SLC9C2: variants seen among roughly 807,000 people sequenced by gnomAD.
SLC9C2 encodes the protein solute carrier family 9 member C2 (putative).
Under a neutral mutation model 140.2 loss-of-function variants are expected in SLC9C2, and 75 were observed. The ratio of observed to expected loss-of-function variants is 0.53; its 90% CI spans 0.44 to 0.65. SLC9C2 has a LOEUF of 0.65. Among genes scored for constraint, SLC9C2 ranks in the 30% least tolerant of loss-of-function variants. The pLI, the probability that SLC9C2 is intolerant of heterozygous loss-of-function variation, is 0.00. For missense variants in SLC9C2, 1,074 were observed against 1,331.8 expected (o/e 0.81, Z 3.01); for synonymous variants, 375 against 420.9 (o/e 0.89, Z 1.34).
chr1:173,538,985 T>A (rs532105424), intron 13 of SLC9C2, among the ~76,000 whole-genome samples: 2 of 152,280 alleles, frequency 1.3e-5, no homozygotes, highest in East Asian at 3.9e-4. Flanking sequence ...GGTAAGAAAA[T>A]GTTGCATTCT....
chr1:173,531,435 G>A (rs908552588), intron 17 of SLC9C2, among the ~76,000 whole-genome samples: 4 of 152,260 alleles, frequency 2.6e-5, no homozygotes, highest in South Asian at 2.1e-4. Flanking sequence ...GGCCCAGGAC[G>A]CATTGCCCTC....
At chr1:173,530,084 C>T in intron 17 of SLC9C2, 30 bp from the exon 18 acceptor site, 1 of 1,564,368 alleles carries the variant, frequency 6.4e-7, no homozygotes, top group Non-Finnish European at 8.6e-7. Flanking sequence ...AAAAAAAAAC[C>T]TGTACATTTG....
chr1:173,513,985 AC>A (rs1660233692), intron 23 of SLC9C2, among the ~76,000 whole-genome samples: 1 of 152,190 alleles, frequency 6.6e-6, no homozygotes. Context: ...GAGTTTCTCA[AC>A]CCTGAGTTCT....
intron 13 of SLC9C2, among the ~76,000 whole-genome samples, chr1:173,540,154 T>C (rs1662276242): frequency 6.6e-6 from 1 of 152,088 alleles, no homozygotes; most frequent in African/African-American, 2.4e-5. Context: ...TCCAGCCAAC[T>C]ATACAGAATA....
chr1:173,587,650 A>G lies in SLC9C2; in HGVS notation c.523+15T>C, dbSNP rs1315542787. On this transcript the variant is annotated intron_variant, in intron 5 of 27. Coordinates refer to ENST00000367714, the MANE Select transcript of SLC9C2 (RefSeq NM_178527.4). Reference sequence around the variant, plus strand: ...TATATTTTCAAGATAAGAGAGAGAAATAAATGTGACATACCAATAGTTTTT... The same window carrying G: ...TATATTTTCAAGATAAGAGAGAGAAGTAAATGTGACATACCAATAGTTTTT... 1 of 1,596,814 alleles carries G rather than the reference A, an allele frequency of 6.3e-7. No individual in the cohort carries two copies. The highest frequency in any genetic ancestry group is 1.7e-5 in the Admixed American group (1 of 57,472).
intron 9 of SLC9C2, among the ~76,000 whole-genome samples, chr1:173,567,631 T>C (rs1087500): frequency 0.012 from 1,838 of 152,254 alleles, 20 homozygotes; most frequent in Middle Eastern, 0.02. Flanking sequence ...TGTCTTTTGA[T>C]TGGAGAGTTT....
intron 5 of SLC9C2, among the ~76,000 whole-genome samples, chr1:173,585,911 T>C (rs998609421): frequency 6.6e-6 from 1 of 151,994 alleles, no homozygotes; most frequent in African/African-American, 2.4e-5. Context: ...GAGGTTGCCA[T>C]GAGCCAAGAT....
At chr1:173,575,609 C>G (rs1322336364) in intron 8 of SLC9C2, among the ~76,000 whole-genome samples, 1 of 152,116 alleles carries the variant, frequency 6.6e-6, no homozygotes, top group African/African-American at 2.4e-5. Context: ...CAGAGTCTCG[C>G]TCTGTCACTC....
chr1:173,571,436 C>T (rs577276758), intron 9 of SLC9C2: 1 of 152,210 alleles, frequency 6.6e-6, no homozygotes, highest in East Asian at 1.9e-4. Flanking sequence ...TCTTTCCCCC[C>T]ATCTGCCTGG....
intron 6 of SLC9C2, among the ~76,000 whole-genome samples, chr1:173,582,967 C>T (rs545482885): frequency 6.6e-6 from 1 of 152,326 alleles, no homozygotes; most frequent in South Asian, 2.1e-4. Context: ...TATATGTGTG[C>T]ACACATGCAT....
intron 9 of SLC9C2, among the ~76,000 whole-genome samples, chr1:173,567,748 T>G (rs1452998990): frequency 6.6e-6 from 1 of 152,102 alleles, no homozygotes; most frequent in Non-Finnish European, 1.5e-5. Context: ...CTTTCCTTCC[T>G]TCCAGCCCTT....
At chr1:173,585,486 T>C (rs2102230787) in intron 5 of SLC9C2, among the ~76,000 whole-genome samples, 1 of 152,310 alleles carries the variant, frequency 6.6e-6, no homozygotes, top group East Asian at 1.9e-4. Flanking sequence ...AGGGACAATA[T>C]GATGGCCCAG....
chr1:173,535,362 T>G (rs1319000540), intron 15 of SLC9C2, among the ~76,000 whole-genome samples: 1 of 152,192 alleles, frequency 6.6e-6, no homozygotes, highest in East Asian at 1.9e-4. Context: ...TCTACCCCAG[T>G]TAAGTAAAAT....
intron 13 of SLC9C2, among the ~76,000 whole-genome samples, chr1:173,541,825 C>A (rs1662446914): frequency 6.6e-6 from 1 of 152,124 alleles, no homozygotes; most frequent in Admixed American, 6.6e-5. Context: ...AACAAAGACA[C>A]AACATACCAG....
At chr1:173,590,062 G>A (rs1666068648) in intron 4 of SLC9C2, among the ~76,000 whole-genome samples, 3 of 152,070 alleles carry the variant, frequency 2.0e-5, no homozygotes, top group African/African-American at 7.2e-5. Context: ...GGCCAACATG[G>A]TGAAACCCCG....
At chr1:173,583,644 G>C in intron 5 of SLC9C2, 22 bp from the exon 6 acceptor site, 1 of 1,216,674 alleles carries the variant, frequency 8.2e-7, no homozygotes, top group South Asian at 1.5e-5. Flanking sequence ...AATACAAAAT[G>C]TAACTCAATA....
chr1:173,557,219 A>G, intron 10 of SLC9C2, 121 bp downstream of exon 10: 2 of 922,342 alleles, frequency 2.2e-6, no homozygotes, highest in South Asian at 1.7e-5. Context: ...TTCTACTTAA[A>G]AGAATGCATT....
Position 173,516,758 on chromosome 1 carries a change from T to C in SLC9C2, c.2907+779A>G, listed in dbSNP as rs543372030. Among the ~76,000 whole-genome samples the C allele has an allele frequency of 2.6e-5, 4 of 152,346 alleles. No homozygotes were observed. In the East Asian group the frequency reaches 5.8e-4, roughly 22 times the overall value. On this transcript the variant is annotated intron_variant, in intron 23 of 27. Transcript: ENST00000367714. ...GATTCCACGTCTTTGCTGTTGTGAA[T>C]AGTGCTGCAGTGAACATACATGTGC...
intron 9 of SLC9C2, among the ~76,000 whole-genome samples, chr1:173,569,388 T>C (rs1664698854): frequency 6.6e-6 from 1 of 152,022 alleles, no homozygotes; most frequent in Admixed American, 6.6e-5. Flanking sequence ...TCTTTATCCG[T>C]GATCTTTGGC....
Sources: allele counts gnomAD v4.1 joint callset (sites outside exome capture counted in the v4.1 genomes callset), GRCh38; gene constraint gnomAD v4.1.1; transcripts MANE v1.5; gene names NCBI Gene and HGNC (gene_info 2026-07-23, HGNC 2026-07-21).